Variants in ADAM12 observed in about 807,000 individuals in gnomAD.
ADAM12 encodes the protein ADAM metallopeptidase domain 12.
Under a neutral mutation model 106.4 loss-of-function variants are expected in ADAM12, and 70 were observed. The ratio of observed to expected loss-of-function variants is 0.66; its 90% CI spans 0.54 to 0.80. The LOEUF is 0.80. Ranked by LOEUF, ADAM12 falls within the 30% of genes least tolerant of loss-of-function variation. ADAM12 has a pLI of 0.00. For missense variants in ADAM12, 1,010 were observed against 1,171.9 expected (o/e 0.86, Z 2.02); for synonymous variants, 420 against 433.5 (o/e 0.97, Z 0.39).
intron 5 of ADAM12, among the ~76,000 whole-genome samples, chr10:126,122,807 C>A (rs1047756605): frequency 6.6e-6 from 1 of 152,064 alleles, no homozygotes; most frequent in African/African-American, 2.4e-5. Context: ...GAAATGAATA[C>A]CATCAATTCT....
chr10:126,222,856 T>G (rs550210948), intron 3 of ADAM12, among the ~76,000 whole-genome samples: 28 of 152,302 alleles, frequency 1.8e-4, no homozygotes, highest in Non-Finnish European at 3.5e-4. Flanking sequence ...CAAGCTGCTT[T>G]CTGACTCTCC....
intron 4 of ADAM12, among the ~76,000 whole-genome samples, chr10:126,144,016 C>G (rs1590492987): frequency 6.6e-6 from 1 of 152,316 alleles, no homozygotes; most frequent in East Asian, 1.9e-4. Flanking sequence ...TAAGTCACCA[C>G]ACCCATCCTC....
intron 4 of ADAM12, among the ~76,000 whole-genome samples, chr10:126,142,170 G>A (rs534962114): frequency 2.6e-5 from 4 of 152,080 alleles, no homozygotes; most frequent in African/African-American, 4.8e-5. Flanking sequence ...AGACCAGCTC[G>A]GTCAGGGAGA....
At chr10:126,122,368 T>C (rs1025777546) in intron 5 of ADAM12, among the ~76,000 whole-genome samples, 2 of 152,194 alleles carry the variant, frequency 1.3e-5, no homozygotes, top group Non-Finnish European at 2.9e-5. Context: ...CTCTGAGATG[T>C]TCTTTATGAA....
intron 2 of ADAM12, among the ~76,000 whole-genome samples, chr10:126,280,274 A>T (rs954183676): frequency 2.0e-5 from 3 of 152,156 alleles, no homozygotes; most frequent in Non-Finnish European, 4.4e-5. Context: ...AGGCCATATA[A>T]CTGGGGTAGA....
chr10:126,064,995 G>T lies in ADAM12; in HGVS notation c.1420C>A (p.Pro474Thr). 6.2e-7 allele frequency: 1 copy of T among 1,609,396 alleles called. No homozygotes were observed. Among genetic ancestry groups the T allele is most frequent in the Non-Finnish European group, 8.5e-7 (1 of 1,177,926 alleles). Residue 474 changes from proline (P) to threonine (T), a missense_variant, in exon 14 of 23, where the codon CCT becomes ACT. Pro to Thr is a conservative substitution (Grantham distance 38, BLOSUM62 -1). Around this residue, in one of 3 missense-constraint regions of ADAM12, gnomAD observed 615 missense variants for 708.5 expected, o/e 0.87. Coordinates refer to ENST00000448723, the MANE Select transcript of ADAM12 (RefSeq NM_001288973.2). This position sits in a 1 kb window ranked among gnomAD's most constrained non-coding sequence, Gnocchi z 4.4. ...GLCCEDCQLK[P>T]AGTACRDSSN... is the part of the protein sequence containing the mutation. ...GAGTCCCTGCACGCTGTTCCTGCAG[G>T]CTTCAGCTGGAAGGAGAGGGCCATT...
intron 3 of ADAM12, among the ~76,000 whole-genome samples, chr10:126,240,632 C>G (rs1178940013): frequency 6.6e-6 from 1 of 152,216 alleles, no homozygotes; most frequent in African/African-American, 2.4e-5. Flanking sequence ...ACCAGGCAGG[C>G]TGGAGCTGGA....
intron 2 of ADAM12, among the ~76,000 whole-genome samples, chr10:126,291,876 T>C (rs1960165783): frequency 6.6e-6 from 1 of 152,172 alleles, no homozygotes; most frequent in African/African-American, 2.4e-5. Flanking sequence ...CTTGCAGGGC[T>C]TTGCAACCTT....
intron 3 of ADAM12, among the ~76,000 whole-genome samples, chr10:126,276,319 C>T (rs1476242673): frequency 6.6e-6 from 1 of 152,102 alleles, no homozygotes; most frequent in African/African-American, 2.4e-5. Context: ...CTTATAGTTT[C>T]ACTTGTAAAA....
At chr10:126,302,354 T>C (rs975375206) in intron 2 of ADAM12, among the ~76,000 whole-genome samples, 1 of 152,232 alleles carries the variant, frequency 6.6e-6, no homozygotes, top group Non-Finnish European at 1.5e-5. Flanking sequence ...CTGTGTTCCT[T>C]TTGTGTGTGA....
intron 18 of ADAM12, chr10:126,041,660 A>T: frequency 2.0e-6 from 2 of 989,584 alleles, no homozygotes; most frequent in Non-Finnish European, 2.4e-6. Context: ...ATTTTCATAT[A>T]ATAAATGCTA....
intron 2 of ADAM12, among the ~76,000 whole-genome samples, chr10:126,294,092 T>C (rs999345009): frequency 1.3e-5 from 2 of 152,236 alleles, no homozygotes; most frequent in African/African-American, 4.8e-5. Context: ...TTGGATCAAC[T>C]GTATTAATGC....
chr10:126,143,624 GGT>G (rs34524287), intron 4 of ADAM12, among the ~76,000 whole-genome samples: 5 of 149,794 alleles, frequency 3.3e-5, no homozygotes, highest in African/African-American at 1.2e-4. Flanking sequence ...GGGGTGCGTG[GGT>G]GTGTGTATAC....
chr10:126,301,590 T>C (rs1036655031), intron 2 of ADAM12, among the ~76,000 whole-genome samples: 5 of 152,044 alleles, frequency 3.3e-5, no homozygotes, highest in African/African-American at 1.2e-4. Flanking sequence ...AGGGGTGGGG[T>C]GGCTGACATA....
chr10:126,173,672 G>T (rs1463455688), intron 3 of ADAM12, among the ~76,000 whole-genome samples: 2 of 152,006 alleles, frequency 1.3e-5, no homozygotes, highest in African/African-American at 2.4e-5. Context: ...GTCAATGGAG[G>T]AACAAAAGTG....
At chr10:126,191,287 C>G (rs6597743) in intron 3 of ADAM12, among the ~76,000 whole-genome samples, 7 of 151,784 alleles carry the variant, frequency 4.6e-5, no homozygotes, top group Non-Finnish European at 1.0e-4. Flanking sequence ...AGTCACCGGG[C>G]CCAGTCTATG....
chr10:126,196,027 A>G lies in ADAM12; in HGVS notation c.261-40722T>C, dbSNP rs149320357. 1.4e-3 allele frequency among the ~76,000 whole-genome samples: 211 copies of G among 152,322 alleles called. 5 individuals carry two copies. In the South Asian group the frequency reaches 0.027, roughly 19 times the overall value. ...TATAAAGTTTTATAGGAATGCAGCT[A>G]CTTAACGTGTTGCTTATGGCAGCTT... On this transcript the variant is annotated intron_variant, in intron 3 of 22. Transcript: ENST00000448723.
intron 18 of ADAM12, chr10:126,042,131 C>T (rs1338882247): frequency 1.9e-6 from 3 of 1,613,270 alleles, no homozygotes; most frequent in Admixed American, 1.7e-5. Flanking sequence ...CATGGGAGGG[C>T]TCAGATGAGT....
chr10:126,235,287 C>T (rs540641636), intron 3 of ADAM12, among the ~76,000 whole-genome samples: 6 of 152,302 alleles, frequency 3.9e-5, no homozygotes, highest in South Asian at 2.1e-4. Flanking sequence ...GCTTAGTCAC[C>T]GGATGAACCT....
Sources: gnomAD v4.1 joint callset for allele counts (sites outside exome capture counted in the v4.1 genomes callset) on GRCh38, gnomAD v4.1.1 for gene constraint, gnomAD v4.1.1 regional missense constraint, Gnocchi (gnomAD v3.1) non-coding constraint, MANE v1.5 for transcripts, NCBI Gene and HGNC (gene_info 2026-07-23, HGNC 2026-07-21) for gene names.